The following NOX3 variants were observed in gnomAD, a reference collection of about 807,000 sequenced individuals.
The protein encoded by NOX3 is NADPH oxidase catalytic subunit-like 3.
NOX3 carries 74 observed loss-of-function variants against 76.7 expected under a neutral mutation model. That is an observed-to-expected ratio of 0.96 (90% CI 0.80 to 1.17). The LOEUF is 1.17. NOX3 is among the 50% of genes most tolerant of loss of function. NOX3 has a pLI of 0.00. For synonymous variants in NOX3, 263 were observed against 261.1 expected, an observed-to-expected ratio of 1.01 and a Z score of -0.07; for missense variants, 695 against 703.3, an observed-to-expected ratio of 0.99 and a Z score of 0.13.
intron 10 of NOX3, among the ~76,000 whole-genome samples, chr6:155,413,399 C>G (rs1290012316): frequency 6.6e-6 from 1 of 151,784 alleles, no homozygotes; most frequent in Non-Finnish European, 1.5e-5. Flanking sequence ...CCGTTGTAGA[C>G]TTTCCCTCCG....
chr6:155,434,600 T>A (rs116596881), intron 7 of NOX3, among the ~76,000 whole-genome samples: 1,647 of 152,336 alleles, frequency 0.011, 24 homozygotes, highest in African/African-American at 0.038. Flanking sequence ...AGAGCAAGAA[T>A]GCAGTTCTTT....
At chr6:155,434,227 A>G (rs1396084825) in intron 7 of NOX3, among the ~76,000 whole-genome samples, 2 of 152,206 alleles carry the variant, frequency 1.3e-5, no homozygotes, top group African/African-American at 4.8e-5. Flanking sequence ...TACCTCCATC[A>G]GGGCTTTCTC....
At chr6:155,404,627 G>T (rs544493903) in intron 12 of NOX3, among the ~76,000 whole-genome samples, 9 of 152,278 alleles carry the variant, frequency 5.9e-5, no homozygotes, top group African/African-American at 2.2e-4. Context: ...TGCTCAAAGT[G>T]ATGCTTTTCT....
At position 155,429,062 on chromosome 6, in the gene NOX3, G is replaced by C. The variant is rs188033351; in HGVS notation, c.892-15C>G. 2.6e-6 allele frequency: 4 copies of C among 1,532,970 alleles called. No homozygotes were observed. The highest frequency in any genetic ancestry group is 1.3e-5 in the South Asian group (1 of 79,450). The allele number at this position is 1,532,970 out of a possible 1,614,324, so 95.0% of individuals were successfully genotyped here. A position where few individuals can be genotyped will look rare whatever the true frequency, so the allele number is the denominator to read the frequency against. Reference sequence around the variant, plus strand: ...TGGCTTACCACCTATGTGAGAGTGAGAGAGTTGTTTGCCTTTGTCCTCGAA... The same window carrying C: ...TGGCTTACCACCTATGTGAGAGTGACAGAGTTGTTTGCCTTTGTCCTCGAA... On this transcript the variant is annotated splice_polypyrimidine_tract_variant and intron_variant, in intron 8 of 13. Coordinates refer to ENST00000159060, the MANE Select transcript of NOX3 (RefSeq NM_015718.3).
intron 3 of NOX3, among the ~76,000 whole-genome samples, chr6:155,453,959 G>T (rs1227229879): frequency 6.6e-6 from 1 of 152,030 alleles, no homozygotes; most frequent in Admixed American, 6.5e-5. Flanking sequence ...AGCAAATATT[G>T]CAATAAAGCA....
At chr6:155,423,749 T>C (rs550510893) in intron 9 of NOX3, among the ~76,000 whole-genome samples, 9 of 150,334 alleles carry the variant, frequency 6.0e-5, no homozygotes, top group Middle Eastern at 3.4e-3. Flanking sequence ...TTTTCTTTTT[T>C]TTTTTTTTTT....
intron 12 of NOX3, among the ~76,000 whole-genome samples, chr6:155,397,871 A>T (rs1779160079): frequency 1.3e-5 from 2 of 152,202 alleles, no homozygotes; most frequent in Admixed American, 1.3e-4. Flanking sequence ...AAATATAGTC[A>T]CCCAAACGTT....
intron 11 of NOX3, among the ~76,000 whole-genome samples, chr6:155,410,314 TGTGTGC>T (rs1267553264): frequency 6.6e-6 from 1 of 152,014 alleles, no homozygotes. Context: ...TGTGTGTGTG[TGTGTGC>T]GCACGCATGT....
At chr6:155,445,980 GCT>G (rs1777059162) in intron 4 of NOX3, among the ~76,000 whole-genome samples, 5 of 57,112 alleles carry the variant, frequency 8.8e-5, no homozygotes, top group Admixed American at 1.8e-4. Flanking sequence ...ATATATATAT[GCT>G]ATATATATAT....
chr6:155,443,195 A>G (rs1353771513), intron 5 of NOX3, 78 bp downstream of exon 5: 2 of 1,347,546 alleles, frequency 1.5e-6, no homozygotes, highest in Non-Finnish European at 2.0e-6. Flanking sequence ...AAAGCTTTTC[A>G]ATATAGCGTT....
intron 3 of NOX3, among the ~76,000 whole-genome samples, chr6:155,454,258 A>G (rs1777182855): frequency 1.3e-5 from 2 of 152,216 alleles, no homozygotes; most frequent in Admixed American, 1.3e-4. Context: ...GGATGCCTGC[A>G]TAATACAGTA....
At chr6:155,408,081 C>A (rs762415366) in intron 11 of NOX3, among the ~76,000 whole-genome samples, 1 of 152,106 alleles carries the variant, frequency 6.6e-6, no homozygotes, top group Non-Finnish European at 1.5e-5. Context: ...TGAGTTCAAG[C>A]GATTCTCCTG....
At chr6:155,418,723 C>A (rs890116460) in intron 10 of NOX3, among the ~76,000 whole-genome samples, 5 of 152,180 alleles carry the variant, frequency 3.3e-5, no homozygotes, top group Admixed American at 2.6e-4. Flanking sequence ...TGTGCTCCTG[C>A]ATTTTACTTA....
At chr6:155,417,654 T>A (rs184505947) in intron 10 of NOX3, among the ~76,000 whole-genome samples, 1 of 152,126 alleles carries the variant, frequency 6.6e-6, no homozygotes, top group Non-Finnish European at 1.5e-5. Flanking sequence ...GTTCCAGGAG[T>A]AGTCAGAGCT....
chr6:155,455,446 C>A (rs1240357534), intron 1 of NOX3, among the ~76,000 whole-genome samples: 1 of 152,172 alleles, frequency 6.6e-6, no homozygotes, highest in Non-Finnish European at 1.5e-5. Flanking sequence ...TCCGAGAGTT[C>A]TCTAGAAAAG....
At chr6:155,452,194 T>C (rs1040505093) in intron 4 of NOX3, among the ~76,000 whole-genome samples, 1 of 152,170 alleles carries the variant, frequency 6.6e-6, no homozygotes, top group Non-Finnish European at 1.5e-5. Context: ...TCAGTATTCT[T>C]AGGGGAGCTT....
intron 10 of NOX3, 77 bp downstream of exon 10, chr6:155,422,617 A>T: frequency 7.2e-7 from 1 of 1,393,320 alleles, no homozygotes. Context: ...AATCCTCCCC[A>T]AGAATCGGCA....
chr6:155,452,149 T>C (rs1187090596), intron 4 of NOX3, among the ~76,000 whole-genome samples: 1 of 152,234 alleles, frequency 6.6e-6, no homozygotes, highest in African/African-American at 2.4e-5. Context: ...AGGAGCGATC[T>C]GGTCTCTGTT....
intron 1 of NOX3, 77 bp downstream of exon 1, chr6:155,455,676 T>C: frequency 8.8e-7 from 1 of 1,140,164 alleles, no homozygotes; most frequent in South Asian, 1.3e-5. Flanking sequence ...TATTTAGCGT[T>C]CCTATACAAG....
Sources: allele counts gnomAD v4.1 joint callset (sites outside exome capture counted in the v4.1 genomes callset), GRCh38; gene constraint gnomAD v4.1.1; transcripts MANE v1.5; gene names NCBI Gene and HGNC (gene_info 2026-07-23, HGNC 2026-07-21).